Variants in ARHGAP26 observed in about 807,000 individuals in gnomAD.
ARHGAP26 encodes rho GTPase-activating protein 26.
Under a neutral mutation model 104.8 loss-of-function variants are expected in ARHGAP26, and 38 were observed. The ratio of observed to expected loss-of-function variants is 0.36; its 90% CI spans 0.28 to 0.48. The LOEUF is 0.48. Among genes scored for constraint, ARHGAP26 ranks in the 20% least tolerant of loss-of-function variants. ARHGAP26 has a pLI of 0.99. For synonymous variants in ARHGAP26, 341 were observed against 340.0 expected (o/e 1.00, Z -0.03); for missense variants, 704 against 947.9 (o/e 0.74, Z 3.38).
intron 11 of ARHGAP26, among the ~76,000 whole-genome samples, chr5:142,961,058 A>G (rs1034545222): frequency 1.3e-5 from 2 of 152,174 alleles, no homozygotes; most frequent in Admixed American, 6.5e-5. Context: ...ACAGCCTACT[A>G]TGTTTTCTTG....
chr5:143,197,186 T>C (rs905390159), intron 20 of ARHGAP26, among the ~76,000 whole-genome samples: 3 of 152,234 alleles, frequency 2.0e-5, no homozygotes, highest in Middle Eastern at 3.2e-3. Flanking sequence ...TTCTAATACA[T>C]GTCTTCCAGT....
At chr5:142,998,783 A>G (rs1427345777) in intron 11 of ARHGAP26, among the ~76,000 whole-genome samples, 1 of 152,168 alleles carries the variant, frequency 6.6e-6, no homozygotes, top group Non-Finnish European at 1.5e-5. Context: ...TGTTTACAGT[A>G]TGAGAACTGA....
intron 22 of ARHGAP26, among the ~76,000 whole-genome samples, chr5:143,215,100 G>A (rs1399426844): frequency 6.6e-6 from 1 of 152,228 alleles, no homozygotes; most frequent in Non-Finnish European, 1.5e-5. Flanking sequence ...GCGGAGTCCT[G>A]GCCCTGCCGT....
chr5:142,999,632 T>G (rs1019944032), intron 11 of ARHGAP26, among the ~76,000 whole-genome samples: 2 of 152,062 alleles, frequency 1.3e-5, no homozygotes, highest in African/African-American at 2.4e-5. Context: ...TAAAAAAATA[T>G]CAAGGTAGGT....
At chr5:142,906,734 A>T (rs1426392369) in intron 8 of ARHGAP26, among the ~76,000 whole-genome samples, 1 of 152,114 alleles carries the variant, frequency 6.6e-6, no homozygotes, top group Non-Finnish European at 1.5e-5. Context: ...TTGTATTTTC[A>T]TTTGTCCTTG....
rs1437959195 is a variant in ARHGAP26 at position 142,875,112 on chromosome 5, A to G, written c.253A>G (p.Arg85Gly). ...AETDDEMCIA[R>G]SLQEFATVLR... ...CATGGCCCCTTTCTGTTTTCCAGCA[A>G]GATCTTTGCAGGAGTTTGCCACTGT... Residue 85 changes from arginine to glycine, a missense_variant and splice_region_variant, in exon 3 of 23, where the codon AGA becomes GGA. Arg to Gly is a moderately radical substitution (Grantham distance 125). Transcript: ENST00000645722. 2 of 1,614,096 alleles carry G rather than the reference A, an allele frequency of 1.2e-6. No individual in the cohort carries two copies. Among genetic ancestry groups the G allele is most frequent in the East Asian group, 2.2e-5 (1 of 44,886 alleles).
chr5:142,804,811 A>T (rs1396647460), intron 1 of ARHGAP26, among the ~76,000 whole-genome samples: 28 of 151,534 alleles, frequency 1.8e-4, no homozygotes, highest in African/African-American at 6.1e-4. Flanking sequence ...TTTTTTTTTT[A>T]AACTTTTTAT....
At chr5:142,836,641 A>T (rs888523165) in intron 1 of ARHGAP26, among the ~76,000 whole-genome samples, 4 of 152,222 alleles carry the variant, frequency 2.6e-5, no homozygotes, top group African/African-American at 9.6e-5. Context: ...TAAGGATTGG[A>T]ATAGAATTGC....
intron 20 of ARHGAP26, among the ~76,000 whole-genome samples, chr5:143,161,656 C>T (rs1801255730): frequency 6.6e-6 from 1 of 152,184 alleles, no homozygotes; most frequent in Non-Finnish European, 1.5e-5. Flanking sequence ...CCATATTTGT[C>T]ACCATCCCCT....
intron 19 of ARHGAP26, among the ~76,000 whole-genome samples, chr5:143,139,262 G>A (rs1409527980): frequency 1.3e-5 from 2 of 152,090 alleles, no homozygotes; most frequent in South Asian, 2.1e-4. Flanking sequence ...TCATTATCTC[G>A]TGTCATCCCC....
chr5:142,888,616 T>C (rs1758051331), intron 5 of ARHGAP26, among the ~76,000 whole-genome samples: 1 of 152,186 alleles, frequency 6.6e-6, no homozygotes, highest in South Asian at 2.1e-4. Context: ...GGAATGCTTT[T>C]AAATTCCAGC....
intron 12 of ARHGAP26, among the ~76,000 whole-genome samples, chr5:143,026,369 G>A (rs561861346): frequency 6.6e-6 from 1 of 152,286 alleles, no homozygotes; most frequent in African/African-American, 2.4e-5. Flanking sequence ...TGAGTATTCT[G>A]CAAAAATAAG....
intron 11 of ARHGAP26, among the ~76,000 whole-genome samples, chr5:142,977,478 G>A (rs1036589451): frequency 1.3e-5 from 2 of 152,106 alleles, no homozygotes; most frequent in African/African-American, 4.8e-5. Flanking sequence ...TTAAAAGCAC[G>A]TAGATGGTTG....
intron 1 of ARHGAP26, among the ~76,000 whole-genome samples, chr5:142,829,724 G>C (rs1489024826): frequency 6.6e-6 from 1 of 152,208 alleles, no homozygotes; most frequent in Non-Finnish European, 1.5e-5. Flanking sequence ...GTGTCACCTG[G>C]TCAAGCAGGT....
At chr5:142,797,983 T>A (rs965879952) in intron 1 of ARHGAP26, among the ~76,000 whole-genome samples, 4 of 152,212 alleles carry the variant, frequency 2.6e-5, no homozygotes, top group African/African-American at 7.2e-5. Flanking sequence ...ACCCTTCTTC[T>A]TTTCCGCTAT....
intron 1 of ARHGAP26, among the ~76,000 whole-genome samples, chr5:142,862,205 C>T (rs1317746131): frequency 6.6e-6 from 1 of 152,102 alleles, no homozygotes; most frequent in African/African-American, 2.4e-5. Flanking sequence ...TTCTTGCTTG[C>T]CCAAATTTGT....
rs78512891 is a variant in ARHGAP26, at chr5:143,205,268, A to G, written c.1989-1930A>G. On this transcript the variant is annotated intron_variant, in intron 20 of 22. Transcript: ENST00000645722. ...TTGAAGTCAAGGGACCTTGGCAAATATCATTTATTGTATTGAACATACTGA... is the reference window on the plus strand; with the variant it reads ...TTGAAGTCAAGGGACCTTGGCAAATGTCATTTATTGTATTGAACATACTGA... Among the ~76,000 whole-genome samples the G allele has an allele frequency of 1.2e-4, 19 of 152,266 alleles. No individual in the cohort carries two copies. In the East Asian group the frequency reaches 2.9e-3, roughly 23 times the overall value.
intron 19 of ARHGAP26, among the ~76,000 whole-genome samples, chr5:143,142,175 C>T (rs1342752633): frequency 8.0e-6 from 1 of 125,330 alleles, no homozygotes; most frequent in South Asian, 2.6e-4. Context: ...CTTGCTCTGT[C>T]GCCTAGGCTG....
rs1809962337 is a variant in ARHGAP26, at chr5:143,214,178, AG to A, written c.2191+93del. 7 of 854,598 alleles carry A rather than the reference AG, an allele frequency of 8.2e-6. No individual in the cohort carries two copies. The South Asian group carries it at 1.1e-4, about 13-fold the overall frequency. The allele number at this position is 854,598 out of a possible 1,614,324, so 52.9% of individuals were successfully genotyped here. A position where few individuals can be genotyped will look rare whatever the true frequency, so the allele number is the denominator to read the frequency against. On this transcript the variant is annotated intron_variant, in intron 22 of 22. Coordinates refer to ENST00000645722, the MANE Select transcript of ARHGAP26 (RefSeq NM_001135608.3). ...ACTGGCATTTTCAAAGCTCCTCCCG[AG>A]GGAAAATCTCAATACAATGGGTAAG...
Sources: allele counts gnomAD v4.1 joint callset (sites outside exome capture counted in the v4.1 genomes callset), GRCh38; gene constraint gnomAD v4.1.1; transcripts MANE v1.5; gene names NCBI Gene and HGNC (gene_info 2026-07-23, HGNC 2026-07-21).